DHX9: variants seen among roughly 807,000 people sequenced by gnomAD.
DHX9 encodes the protein DExH-box helicase 9, also known as ATP-dependent RNA helicase A.
Under a neutral mutation model 148.7 loss-of-function variants are expected in DHX9, and 27 were observed. That is an observed-to-expected ratio of 0.18 (90% CI 0.13 to 0.25). The LOEUF is 0.25. DHX9 is among the 10% of genes least tolerant of loss of function. The probability of loss-of-function intolerance (pLI) is 1.00; values close to 1 mark genes in which losing one functional copy is unlikely to be tolerated. For synonymous variants in DHX9, 529 were observed against 516.6 expected (o/e 1.02, Z -0.33); for missense variants, 796 against 1,559.6 (o/e 0.51, Z 8.25).
chr1:182,867,943 T>A (rs1316906788), intron 14 of DHX9, among the ~76,000 whole-genome samples: 2 of 152,240 alleles, frequency 1.3e-5, no homozygotes, highest in Admixed American at 1.3e-4. Flanking sequence ...GCAGCATGCT[T>A]ATTTAAACTG....
rs760763850 is a variant in DHX9, at chr1:182,884,633, A to G, written c.3281A>G (p.His1094Arg). 1 of 1,614,072 alleles carries G rather than the reference A, an allele frequency of 6.2e-7. No individual in the cohort carries two copies. The highest frequency in any genetic ancestry group is 8.5e-7 in the Non-Finnish European group (1 of 1,179,976). Residue 1094 changes from histidine (H) to arginine (R), a missense_variant, in exon 27 of 28, where the codon CAT becomes CGT. His to Arg is a conservative substitution (Grantham distance 29, BLOSUM62 0). Around this residue, in one of 14 missense-constraint regions of DHX9, gnomAD observed 86 missense variants for 156.3 expected, o/e 0.55. Transcript: ENST00000367549. ...TTTAGGATTAAACTGCAAATATCTC[A>G]TGAAGCTGCTGCCTGTATCACTGGT... ...VDDWIKLQIS[H>R]EAAACITGLR...
intron 4 of DHX9, among the ~76,000 whole-genome samples, 161 bp downstream of exon 4, chr1:182,852,505 A>T (rs1049342479): frequency 3.0e-4 from 46 of 152,098 alleles, no homozygotes; most frequent in Non-Finnish European, 6.5e-4. Context: ...CAGATCATTT[A>T]TTTTTTTCTT....
At position 182,853,225 on chromosome 1, in the gene DHX9, A is replaced by G. The variant is rs1304759872; in HGVS notation, c.365-81A>G. 4 of 1,017,112 alleles carry G rather than the reference A, an allele frequency of 3.9e-6. No homozygotes were observed. In the East Asian group the frequency reaches 7.4e-5, roughly 19 times the overall value. 63.0% of individuals were successfully genotyped at this position (1,017,112 alleles called of 1,614,324 possible). ...CAGATGTGAGCCTCCATGCCCGGCC[A>G]TAAATTAGGATAATTCTTTAATGTA... On this transcript the variant is annotated intron_variant, in intron 4 of 27. Coordinates refer to ENST00000367549, the MANE Select transcript of DHX9 (RefSeq NM_001357.5).
Position 182,843,770 on chromosome 1 carries a change from T to C in DHX9, c.252+336T>C, listed in dbSNP as rs1189205111. Among the ~76,000 whole-genome samples the C allele has an allele frequency of 3.3e-5, 5 of 152,158 alleles. No individual in the cohort carries two copies. In the East Asian group the frequency reaches 9.6e-4, roughly 29 times the overall value. On this transcript the variant is annotated intron_variant, in intron 3 of 27. Transcript: ENST00000367549. ...TTAAATAAAATAGAAAAATCAGTAA[T>C]ATTTTAGACATGTTTGCTCCCATTG...
chr1:182,883,388 G>GT lies in DHX9; in HGVS notation c.3144+23dup. On this transcript the variant is annotated intron_variant, in intron 25 of 27. Coordinates refer to ENST00000367549, the MANE Select transcript of DHX9 (RefSeq NM_001357.5). Reference sequence around the variant, plus strand: ...GAAAAGGTAAGAAAAGACTAGAAAAGTTTACATTGAAAGTTGAAATTGTCT... The same window carrying GT: ...GAAAAGGTAAGAAAAGACTAGAAAAGTTTTACATTGAAAGTTGAAATTGTCT... 6.2e-7 allele frequency: 1 copy of GT among 1,605,246 alleles called. No individual in the cohort carries two copies. Among genetic ancestry groups the GT allele is most frequent in the Non-Finnish European group, 8.5e-7 (1 of 1,172,780 alleles).
chr1:182,867,129 C>G, intron 14 of DHX9, 86 bp downstream of exon 14: 1 of 790,100 alleles, frequency 1.3e-6, no homozygotes, highest in Non-Finnish European at 1.9e-6. Context: ...TCCCTTTCCC[C>G]CGTTTTTATC....
In DHX9 at chr1:182,866,545, A is replaced by G. The variant is rs753943362; in HGVS notation, c.1434A>G (p.Ile478Met). 2.5e-6 allele frequency: 4 copies of G among 1,614,098 alleles called. No individual in the cohort carries two copies. Among genetic ancestry groups the G allele is most frequent in the South Asian group, 1.1e-5 (1 of 91,090 alleles). Residue 478 changes from isoleucine to methionine, a missense_variant, in exon 13 of 28, where the codon ATA becomes ATG. Ile to Met is a conservative substitution (Grantham distance 10, BLOSUM62 1). Around this residue, in one of 14 missense-constraint regions of DHX9, gnomAD observed 58 missense variants for 122.8 expected, o/e 0.47. Transcript: ENST00000367549. ...GCTACAGCGTTCGATTTGAGTCTAT[A>G]CTTCCTCGTCCTCATGCCAGTATAA... ...SCGYSVRFES[I>M]LPRPHASIMF... is the part of the protein sequence containing the mutation.
At chr1:182,881,056 A>G (rs1037647188) in intron 22 of DHX9, among the ~76,000 whole-genome samples, 3 of 152,256 alleles carry the variant, frequency 2.0e-5, no homozygotes, top group Non-Finnish European at 4.4e-5. Flanking sequence ...AATTTATGAT[A>G]AATATGTGGC....
At chr1:182,865,241 T>C (rs1571310637) in intron 12 of DHX9, among the ~76,000 whole-genome samples, 1 of 152,354 alleles carries the variant, frequency 6.6e-6, no homozygotes, top group South Asian at 2.1e-4. Context: ...TGTAGAATTC[T>C]CTTGATGGAC....
At chr1:182,840,783 A>G (rs1014207388) in intron 1 of DHX9, among the ~76,000 whole-genome samples, 4 of 152,170 alleles carry the variant, frequency 2.6e-5, no homozygotes, top group African/African-American at 9.7e-5. Flanking sequence ...TCTACAAGGG[A>G]TAGCTATGGA....
At chr1:182,878,194 T>C (rs745459942) in intron 20 of DHX9, 21 bp downstream of exon 20, 2 of 1,613,176 alleles carry the variant, frequency 1.2e-6, no homozygotes, top group South Asian at 1.1e-5. Context: ...TTCTTGACCT[T>C]TAGTAAGGGA....
At chr1:182,855,486 TC>T (rs1393930334) in intron 6 of DHX9, 1 of 903,922 alleles carries the variant, frequency 1.1e-6, no homozygotes, top group Non-Finnish European at 1.3e-6. Flanking sequence ...AGGTCTGTGT[TC>T]ATACACACAT....
In DHX9 at chr1:182,878,148, C is replaced by T; in HGVS notation, c.2326C>T (p.Leu776=). The change falls in exon 20 of 28, where the codon CTG becomes TTG. Residue 776 remains leucine, a synonymous_variant. Coordinates refer to ENST00000367549, the MANE Select transcript of DHX9 (RefSeq NM_001357.5). ...AGTACGGCCTGGATTCTGCTTTCAC[C>T]TGTGCAGCCGAGCTCGTTTTGAGAG... The part of the protein sequence containing the change: ...GRVRPGFCFH[L]CSRARFERLE... 2 of 1,614,208 alleles carry T rather than the reference C, an allele frequency of 1.2e-6. No individual in the cohort carries two copies. The highest frequency in any genetic ancestry group is 4.5e-5 in the East Asian group (2 of 44,882).
chr1:182,857,773 T>C (rs1329901052), intron 7 of DHX9, among the ~76,000 whole-genome samples: 1 of 152,256 alleles, frequency 6.6e-6, no homozygotes, highest in Non-Finnish European at 1.5e-5. Flanking sequence ...TTTTTTACTC[T>C]TTGTCTTTTC....
chr1:182,867,037 T>C lies in DHX9; in HGVS notation c.1551T>C (p.Asp517=), dbSNP rs1389373053. Residue 517 remains aspartate, a synonymous_variant, in exon 14 of 28, where the codon GAT becomes GAC. Transcript: ENST00000367549. ...TTGTAGATGAAATACATGAAAGAGATATTAATGTAAGTAACTTGAGAGGTA... is the reference window on the plus strand; with the variant it reads ...TTGTAGATGAAATACATGAAAGAGACATTAATGTAAGTAACTTGAGAGGTA... ...HVIVDEIHER[D]INTDFLLVVL... 1.3e-6 allele frequency: 2 copies of C among 1,590,984 alleles called. No individual in the cohort carries two copies. Among genetic ancestry groups the C allele is most frequent in the East Asian group, 2.3e-5 (1 of 44,150 alleles).
At position 182,873,315 on chromosome 1, in the gene DHX9, T is replaced by TG. The variant is rs1452147888; in HGVS notation, c.1714+827dup. On this transcript the variant is annotated intron_variant, in intron 15 of 27. Coordinates refer to ENST00000367549, the MANE Select transcript of DHX9 (RefSeq NM_001357.5). ...TTCTAGGATAGTCATCTGGTAGCTG[T>TG]GGGGGAAAAAAAAGAATTATGGTAC... is the stretch of plus-strand genomic sequence containing the variant. 2.6e-5 allele frequency among the ~76,000 whole-genome samples: 4 copies of TG among 151,972 alleles called. No homozygotes were observed. In the East Asian group the frequency reaches 7.7e-4, roughly 29 times the overall value.
chr1:182,885,965 C>A (rs1267434100), intron 27 of DHX9, among the ~76,000 whole-genome samples: 1 of 151,978 alleles, frequency 6.6e-6, no homozygotes, highest in African/African-American at 2.4e-5. Context: ...GGATAACAGT[C>A]CGGAAACTAG....
At chr1:182,870,231 A>G (rs767176896) in intron 14 of DHX9, among the ~76,000 whole-genome samples, 15 of 152,270 alleles carry the variant, frequency 9.9e-5, no homozygotes, top group Non-Finnish European at 1.5e-4. Context: ...TAGCATATCA[A>G]TTATTTTCAA....
rs781025444 is a variant in DHX9 at position 182,884,697 on chromosome 1, C to T, written c.3345C>T (p.Thr1115=). 4 of 1,613,948 alleles carry T rather than the reference C, an allele frequency of 2.5e-6. No individual in the cohort carries two copies. The highest frequency in any genetic ancestry group is 3.4e-6 in the Non-Finnish European group (4 of 1,180,022). Residue 1115 remains threonine (T), a synonymous_variant, in exon 27 of 28, where the codon ACC becomes ACT. Coordinates refer to ENST00000367549, the MANE Select transcript of DHX9 (RefSeq NM_001357.5). ...TGGAGGCTTTGGTTGTTGAAGTAAC[C>T]AAACAACCTGCTATCATCAGCCAGT... ...AAMEALVVEV[T]KQPAIISQLD...
Sources: gnomAD v4.1 joint callset for allele counts (sites outside exome capture counted in the v4.1 genomes callset) on GRCh38, gnomAD v4.1.1 for gene constraint, gnomAD v4.1.1 regional missense constraint, MANE v1.5 for transcripts, NCBI Gene and HGNC (gene_info 2026-07-23, HGNC 2026-07-21) for gene names.